The following SYT2 variants were observed in gnomAD, a reference collection of about 807,000 sequenced individuals.
The protein encoded by SYT2 is synaptotagmin 2.
A neutral mutation model predicts 39.9 loss-of-function variants in SYT2; 15 were observed. The observed-to-expected ratio is 0.38, with a 90% confidence interval of 0.25 to 0.58. The LOEUF is 0.58. SYT2 is among the 20% of genes least tolerant of loss of function. The pLI is 0.70. For synonymous variants in SYT2, 181 were observed against 204.5 expected (o/e 0.89, Z 0.98); for missense variants, 389 against 530.3 (o/e 0.73, Z 2.62).
At chr1:202,696,278 C>T (rs772571110) in intron 1 of SYT2, among the ~76,000 whole-genome samples, 17 of 152,094 alleles carry the variant, frequency 1.1e-4, no homozygotes, top group Non-Finnish European at 2.2e-4. Context: ...AACATATGTA[C>T]CAGGTGCACA....
Position 202,601,967 on chromosome 1 carries a change from T to C in SYT2, c.724A>G (p.Lys242Glu). 1 of 1,614,196 alleles carries C rather than the reference T, an allele frequency of 6.2e-7. No individual in the cohort carries two copies. The highest frequency in any genetic ancestry group is 8.5e-7 in the Non-Finnish European group (1 of 1,180,030). The change falls in exon 6 of 9, where the codon AAG becomes GAG. Residue 242 changes from lysine to glutamate, a missense_variant. By Grantham distance (56) the Lys-to-Glu change is moderately conservative. Coordinates refer to ENST00000367268, the MANE Select transcript of SYT2 (RefSeq NM_177402.5). The surrounding 1 kb of genome is among the most constrained non-coding windows in gnomAD (Gnocchi z 4.0). Reference sequence around the variant, plus strand: ...AGGTCCACTGTGTTCATAGGCACCTTTACCTCTCCAATGATGTCATGTTTG... The same window carrying C: ...AGGTCCACTGTGTTCATAGGCACCTCTACCTCTCCAATGATGTCATGTTTG... The part of the protein sequence containing the change: ...FSKHDIIGEV[K>E]VPMNTVDLGQ...
chr1:202,655,319 C>A (rs1327657184), intron 1 of SYT2, among the ~76,000 whole-genome samples: 3 of 152,176 alleles, frequency 2.0e-5, no homozygotes, highest in Admixed American at 6.5e-5. Context: ...ACTACAGGCT[C>A]ATCCCTAGCA....
intron 1 of SYT2, among the ~76,000 whole-genome samples, chr1:202,621,306 A>T (rs1453642912): frequency 2.0e-5 from 3 of 151,984 alleles, no homozygotes. Flanking sequence ...AATTTATTTT[A>T]TTTTTTACAG....
In SYT2 at chr1:202,596,705, C is replaced by T. The variant is rs1269105454; in HGVS notation, c.*52G>A. 3.9e-6 allele frequency: 6 copies of T among 1,550,490 alleles called. No individual in the cohort carries two copies. Among genetic ancestry groups the T allele is most frequent in the Non-Finnish European group, 4.4e-6 (5 of 1,129,692 alleles). On this transcript the variant is annotated 3_prime_UTR_variant, in exon 9 of 9. Transcript: ENST00000367268. ...GGTTGCATAACTGAGGTATTGATAG[C>T]TCTGGATCTTGTCAGTGTCCGTGAA...
chr1:202,630,832 C>G (rs1691565597), intron 1 of SYT2, among the ~76,000 whole-genome samples: 1 of 152,220 alleles, frequency 6.6e-6, no homozygotes, highest in Non-Finnish European at 1.5e-5. Flanking sequence ...TGGGCCGTTG[C>G]CCTGCCTAGC....
chr1:202,677,299 C>G (rs181906345), intron 1 of SYT2, among the ~76,000 whole-genome samples: 1 of 152,284 alleles, frequency 6.6e-6, no homozygotes, highest in Non-Finnish European at 1.5e-5. Context: ...GGTCTGTGTA[C>G]CCTCTCCTTG....
intron 1 of SYT2, among the ~76,000 whole-genome samples, chr1:202,651,799 G>A (rs183024636): frequency 1.8e-3 from 274 of 152,308 alleles, no homozygotes; most frequent in Middle Eastern, 0.01. Context: ...GGTGGCTCAC[G>A]CCTGTAATCC....
At chr1:202,652,709 G>A (rs1692214900) in intron 1 of SYT2, among the ~76,000 whole-genome samples, 1 of 152,192 alleles carries the variant, frequency 6.6e-6, no homozygotes. Context: ...CATTCTCCAT[G>A]TAGCCAAGGG....
intron 1 of SYT2, among the ~76,000 whole-genome samples, chr1:202,698,764 A>G (rs556585550): frequency 6.6e-6 from 1 of 152,320 alleles, no homozygotes; most frequent in South Asian, 2.1e-4. Flanking sequence ...TAGACACAAG[A>G]AAGAACTTCC....
chr1:202,682,949 G>T (rs1653563855), intron 1 of SYT2, among the ~76,000 whole-genome samples: 1 of 152,154 alleles, frequency 6.6e-6, no homozygotes. Context: ...GACCTAAATA[G>T]TAGCTTCAAT....
chr1:202,629,275 G>C (rs180732711), intron 1 of SYT2, among the ~76,000 whole-genome samples: 2 of 152,250 alleles, frequency 1.3e-5, no homozygotes, highest in African/African-American at 4.8e-5. Context: ...GGCCTCTCTT[G>C]AGCCATTGCA....
chr1:202,635,736 G>T (rs1368134309), intron 1 of SYT2, among the ~76,000 whole-genome samples: 1 of 152,168 alleles, frequency 6.6e-6, no homozygotes, highest in Non-Finnish European at 1.5e-5. Context: ...GCTTGCTTGG[G>T]TATACACAGC....
At chr1:202,708,356 C>A (rs1165527069) in intron 1 of SYT2, among the ~76,000 whole-genome samples, 1 of 152,050 alleles carries the variant, frequency 6.6e-6, no homozygotes, top group Non-Finnish European at 1.5e-5. Context: ...CTATGTGAGG[C>A]TATAACCTAG....
At chr1:202,634,092 C>A (rs1480105860) in intron 1 of SYT2, among the ~76,000 whole-genome samples, 1 of 152,182 alleles carries the variant, frequency 6.6e-6, no homozygotes, top group Non-Finnish European at 1.5e-5. Context: ...TCAAATGATG[C>A]CTCCATTTCT....
intron 1 of SYT2, among the ~76,000 whole-genome samples, chr1:202,671,920 T>C (rs922563721): frequency 3.9e-5 from 6 of 152,184 alleles, no homozygotes; most frequent in Admixed American, 1.3e-4. Context: ...CCAGGGAAGA[T>C]AGCAAATGAT....
At chr1:202,638,007 G>A (rs1691789109) in intron 1 of SYT2, among the ~76,000 whole-genome samples, 1 of 152,188 alleles carries the variant, frequency 6.6e-6, no homozygotes, top group African/African-American at 2.4e-5. Context: ...TGCCAACAGC[G>A]GGCAATTCCC....
intron 8 of SYT2, among the ~76,000 whole-genome samples, chr1:202,598,589 A>G (rs544356729): frequency 1.5e-4 from 17 of 114,190 alleles, no homozygotes; most frequent in African/African-American, 5.8e-4. Flanking sequence ...ATGATAACCG[A>G]CCACTCTGCA....
intron 1 of SYT2, among the ~76,000 whole-genome samples, chr1:202,660,921 C>T (rs369035967): frequency 1.3e-5 from 2 of 152,168 alleles, no homozygotes; most frequent in Non-Finnish European, 2.9e-5. Flanking sequence ...TCCTTCTATC[C>T]GGACTTAAGG....
In SYT2 at chr1:202,599,098, C is replaced by T. The variant is rs1690404182; in HGVS notation, c.1053+120G>A. On this transcript the variant is annotated intron_variant, in intron 8 of 8. Coordinates refer to ENST00000367268, the MANE Select transcript of SYT2 (RefSeq NM_177402.5). The surrounding 1 kb of genome is among the most constrained non-coding windows in gnomAD (Gnocchi z 4.4). ...ACCCAGGCACCATTAGACCTCGAGCCTTCCCCTACCAAGAAAGGCTGTTCC... is the reference window on the plus strand; with the variant it reads ...ACCCAGGCACCATTAGACCTCGAGCTTTCCCCTACCAAGAAAGGCTGTTCC... 2 of 1,412,154 alleles carry T rather than the reference C, an allele frequency of 1.4e-6. No homozygotes were observed. The highest frequency in any genetic ancestry group is 1.9e-6 in the Non-Finnish European group (2 of 1,040,506). The allele number at this position is 1,412,154 out of a possible 1,614,324, so 87.5% of individuals were successfully genotyped here.
Sources: allele counts gnomAD v4.1 joint callset (sites outside exome capture counted in the v4.1 genomes callset), GRCh38; gene constraint gnomAD v4.1.1; non-coding constraint Gnocchi (gnomAD v3.1); transcripts MANE v1.5; gene names NCBI Gene and HGNC (gene_info 2026-07-23, HGNC 2026-07-21).